The following SPTLC3 variants were observed in gnomAD, a reference collection of about 807,000 sequenced individuals.
SPTLC3 encodes serine palmitoyltransferase long chain base subunit 3.
SPTLC3 carries 36 observed loss-of-function variants against 59.3 expected under a neutral mutation model. That is an observed-to-expected ratio of 0.61 (90% CI 0.47 to 0.80). The LOEUF (loss-of-function observed/expected upper bound fraction) is 0.80. Among genes scored for constraint, SPTLC3 ranks in the 30% least tolerant of loss-of-function variants. The pLI is 0.00. For synonymous variants in SPTLC3, 257 were observed against 240.8 expected (o/e 1.07, Z -0.62); for missense variants, 625 against 685.1 (o/e 0.91, Z 0.98).
chr20:13,021,751 C>T (rs527367778), intron 1 of SPTLC3, among the ~76,000 whole-genome samples: 9 of 152,246 alleles, frequency 5.9e-5, no homozygotes, highest in East Asian at 1.9e-4. Flanking sequence ...GATGTGCTCT[C>T]GTGGTGACCA....
intron 2 of SPTLC3, among the ~76,000 whole-genome samples, chr20:13,064,271 C>T (rs1012061199): frequency 7.3e-6 from 1 of 137,198 alleles, no homozygotes. Context: ...TTTTCCTTTT[C>T]TTTTTTTTTT....
intron 1 of SPTLC3, among the ~76,000 whole-genome samples, chr20:13,039,607 T>C (rs1986885366): frequency 6.6e-6 from 1 of 152,126 alleles, no homozygotes; most frequent in Non-Finnish European, 1.5e-5. Context: ...TCCATTCACA[T>C]CTTCTGTTAT....
At chr20:13,047,625 G>A (rs528240911) in intron 1 of SPTLC3, among the ~76,000 whole-genome samples, 11 of 152,116 alleles carry the variant, frequency 7.2e-5, no homozygotes, top group African/African-American at 2.2e-4. Flanking sequence ...TTAGAGATAC[G>A]TATTTACTAA....
chr20:13,153,710 A>G (rs2038701978), intron 9 of SPTLC3, among the ~76,000 whole-genome samples: 1 of 152,130 alleles, frequency 6.6e-6, no homozygotes, highest in South Asian at 2.1e-4. Context: ...CAGAGTCTAT[A>G]CAAAATAGAT....
At position 13,117,871 on chromosome 20, in the gene SPTLC3, C is replaced by T; in HGVS notation, c.1152+146C>T. The T allele has an allele frequency of 4.5e-6, 3 of 670,722 alleles. No individual in the cohort carries two copies. The South Asian group carries it at 6.3e-5, about 14-fold the overall frequency. 41.5% of individuals were successfully genotyped at this position (670,722 alleles called of 1,614,324 possible). A position where few individuals can be genotyped will look rare whatever the true frequency, so the allele number is the denominator to read the frequency against. On this transcript the variant is annotated intron_variant, in intron 8 of 11. Transcript: ENST00000399002. The stretch of plus-strand genomic sequence containing the variant: ...CAGCCTGGCTACAGTGGGTTCACAG[C>T]CAGATAAGGCCCAGAATATCGAGGA...
intron 1 of SPTLC3, among the ~76,000 whole-genome samples, chr20:13,030,876 T>C (rs1986408352): frequency 6.6e-6 from 1 of 152,208 alleles, no homozygotes; most frequent in South Asian, 2.1e-4. Context: ...ACCTTCTCTT[T>C]TTCTGAACTA....
intron 2 of SPTLC3, among the ~76,000 whole-genome samples, chr20:13,064,993 G>A (rs1206989300): frequency 1.3e-5 from 2 of 151,934 alleles, no homozygotes; most frequent in Non-Finnish European, 2.9e-5. Context: ...ATAACATATA[G>A]CAAAGCAATT....
intron 10 of SPTLC3, among the ~76,000 whole-genome samples, chr20:13,156,879 T>C (rs1291145548): frequency 1.3e-5 from 2 of 152,154 alleles, no homozygotes; most frequent in Non-Finnish European, 2.9e-5. Flanking sequence ...CAATTTTTGG[T>C]TGCATTACTC....
At chr20:13,019,106 C>T (rs1985727695) in intron 1 of SPTLC3, among the ~76,000 whole-genome samples, 2 of 152,090 alleles carry the variant, frequency 1.3e-5, no homozygotes, top group South Asian at 4.1e-4. Context: ...TTGCAAATGC[C>T]TAGAGGAGCT....
At chr20:13,039,810 A>G (rs1037024186) in intron 1 of SPTLC3, among the ~76,000 whole-genome samples, 6 of 152,002 alleles carry the variant, frequency 3.9e-5, no homozygotes, top group Non-Finnish European at 7.4e-5. Context: ...CTTGCCATAC[A>G]TATGTTAATG....
intron 2 of SPTLC3, among the ~76,000 whole-genome samples, chr20:13,057,883 C>T (rs1476996147): frequency 6.6e-6 from 1 of 152,108 alleles, no homozygotes; most frequent in African/African-American, 2.4e-5. Context: ...AAGAGAATGT[C>T]AGCAAATATA....
Position 13,072,388 on chromosome 20 carries a change from G to C in SPTLC3, c.436G>C (p.Asp146His). 1 of 1,605,294 alleles carries C rather than the reference G, an allele frequency of 6.2e-7. No homozygotes were observed. Among genetic ancestry groups the C allele is most frequent in the South Asian group, 1.1e-5 (1 of 89,376 alleles). The change falls in exon 3 of 12, where the codon GAC (aspartate) becomes CAC (histidine). Residue 146 changes from aspartate (D) to histidine (H), a missense_variant. Transcript: ENST00000399002. ...GTTTGATTTGATGGAGAGGGTATCA[G>C]ACGACTATAACTGGACGTTTAGGTG... ...PLFDLMERVS[D>H]DYNWTFRFTG...
rs1204966401 is a variant in SPTLC3 at position 13,074,405 on chromosome 20, G to A, written c.515G>A (p.Gly172Asp). ...AACATGGGCTCCTATAACTTCCTTG[G>A]TCTTGCAGCCAAGTATGATGAGTCT... The part of the protein sequence containing the change: ...VINMGSYNFL[G>D]LAAKYDESMR... Residue 172 changes from glycine to aspartate, a missense_variant, in exon 4 of 12, where the codon GGT (glycine) becomes GAT (aspartate). Coordinates refer to ENST00000399002, the MANE Select transcript of SPTLC3 (RefSeq NM_018327.4). 6.2e-7 allele frequency: 1 copy of A among 1,614,042 alleles called. No individual in the cohort carries two copies. Among genetic ancestry groups the A allele is most frequent in the East Asian group, 2.2e-5 (1 of 44,856 alleles).
chr20:13,065,422 A>G (rs142711239), intron 2 of SPTLC3, among the ~76,000 whole-genome samples: 3 of 151,710 alleles, frequency 2.0e-5, no homozygotes, highest in African/African-American at 4.8e-5. Context: ...TTTTCCTTCA[A>G]TAGCCATCTC....
intron 9 of SPTLC3, among the ~76,000 whole-genome samples, chr20:13,142,114 A>G (rs1184551859): frequency 6.6e-6 from 1 of 152,236 alleles, no homozygotes; most frequent in Admixed American, 6.5e-5. Context: ...AGAGTTAGCC[A>G]AGGGTAGACT....
rs567215265 is a variant in SPTLC3, at chr20:13,046,140, G to T, written c.118-2805G>T. ...CTTTATTCACCCTTTTTCTTCTGTG[G>T]TACCGGAAAAAGCACTGTATCCACA... On this transcript the variant is annotated intron_variant, in intron 1 of 11. Transcript: ENST00000399002. Among the ~76,000 whole-genome samples, 7 of 152,170 alleles carry T rather than the reference G, an allele frequency of 4.6e-5. No individual in the cohort carries two copies. In the South Asian group the frequency reaches 1.5e-3, roughly 32 times the overall value.
chr20:13,033,405 G>A (rs544614438), intron 1 of SPTLC3, among the ~76,000 whole-genome samples: 10 of 152,240 alleles, frequency 6.6e-5, no homozygotes, highest in African/African-American at 1.9e-4. Context: ...GCTAACAAAG[G>A]TTCTGGAATC....
At chr20:13,074,687 T>C (rs1207523842) in intron 4 of SPTLC3, among the ~76,000 whole-genome samples, 190 bp downstream of exon 4, 2 of 152,210 alleles carry the variant, frequency 1.3e-5, no homozygotes, top group Admixed American at 6.5e-5. Flanking sequence ...TAATTGCATG[T>C]TTCAATTCTC....
In SPTLC3 at chr20:13,164,901, G is replaced by A. The variant is rs185155266; in HGVS notation, c.*34G>A. ...GTCCTGAATGACACATAAAGACTTT[G>A]CGAGAAAGACCTCCCTCCTTGCCTC... is the stretch of plus-strand genomic sequence containing the variant. On this transcript the variant is annotated 3_prime_UTR_variant, in exon 12 of 12. Transcript: ENST00000399002. 3.1e-4 allele frequency: 477 copies of A among 1,553,856 alleles called. 2 individuals are homozygous for A. The highest frequency in any genetic ancestry group is 4.0e-5 in the Non-Finnish European group (45 of 1,135,620).
Sources: allele counts gnomAD v4.1 joint callset (sites outside exome capture counted in the v4.1 genomes callset), GRCh38; gene constraint gnomAD v4.1.1; transcripts MANE v1.5; gene names NCBI Gene and HGNC (gene_info 2026-07-23, HGNC 2026-07-21).